GRIA3: variants seen among roughly 807,000 people sequenced by gnomAD.
The protein encoded by GRIA3 is glutamate ionotropic receptor AMPA type subunit 3.
A neutral mutation model predicts 63.0 loss-of-function variants in GRIA3; 3 were observed. That is an observed-to-expected ratio of 0.05 (90% CI 0.02 to 0.12). The LOEUF (loss-of-function observed/expected upper bound fraction) is 0.12. Ranked by LOEUF, GRIA3 falls within the 10% of genes least tolerant of loss-of-function variation. The probability of loss-of-function intolerance (pLI) is 1.00; values close to 1 mark genes in which losing one functional copy is unlikely to be tolerated. For synonymous variants in GRIA3, 274 were observed against 257.9 expected, an observed-to-expected ratio of 1.06 and a Z score of -0.60; for missense variants, 347 against 700.9, an observed-to-expected ratio of 0.50 and a Z score of 5.70.
intron 3 of GRIA3, among the ~76,000 whole-genome samples, chrX:123,308,164 T>A (rs2044767079): frequency 8.9e-6 from 1 of 112,120 alleles, no homozygotes. Context: ...GCTCTTGAAT[T>A]ACCAATCTGT....
intron 10 of GRIA3, among the ~76,000 whole-genome samples, chrX:123,412,041 T>C (rs1027120462): frequency 6.3e-5 from 7 of 111,699 alleles, no homozygotes; most frequent in Non-Finnish European, 1.3e-4. Context: ...TACAGCTGGC[T>C]TTCATAAGAG....
intron 3 of GRIA3, among the ~76,000 whole-genome samples, chrX:123,262,601 A>G (rs1270339017): frequency 2.7e-5 from 3 of 112,352 alleles, no homozygotes; most frequent in African/African-American, 6.5e-5. Context: ...GCTCTGTTCA[A>G]TAAGTAGAGC....
At chrX:123,288,328 G>A (rs190881481) in intron 3 of GRIA3, among the ~76,000 whole-genome samples, 197 of 112,266 alleles carry the variant, frequency 1.8e-3, no homozygotes, top group African/African-American at 5.8e-3. Flanking sequence ...AGAAAACCTA[G>A]GCAATACCAT....
At chrX:123,353,341 C>G (rs2045110985) in intron 4 of GRIA3, among the ~76,000 whole-genome samples, 1 of 111,903 alleles carries the variant, frequency 8.9e-6, no homozygotes, top group African/African-American at 3.2e-5. Flanking sequence ...GATTCCAATC[C>G]CAGCTTTACC....
chrX:123,478,235 C>G (rs990940930), intron 13 of GRIA3, among the ~76,000 whole-genome samples: 4 of 111,723 alleles, frequency 3.6e-5, no homozygotes, highest in Non-Finnish European at 7.5e-5. Flanking sequence ...CCATCGATGG[C>G]CTGTCTGTCA....
intron 2 of GRIA3, among the ~76,000 whole-genome samples, chrX:123,246,456 G>T (rs1352494171): frequency 1.8e-5 from 2 of 111,142 alleles, no homozygotes; most frequent in East Asian, 5.7e-4. Context: ...TTGGCTTGTG[G>T]CCTCTTTCCA....
chrX:123,352,846 G>T (rs1471006399), intron 4 of GRIA3, among the ~76,000 whole-genome samples: 1 of 111,276 alleles, frequency 9.0e-6, no homozygotes, highest in Non-Finnish European at 1.9e-5. Flanking sequence ...GGACACTGAA[G>T]AATACATCCC....
At position 123,204,340 on chromosome X, in the gene GRIA3, C is replaced by A. The variant is rs777611449; in HGVS notation, c.268+18350C>A. 257 of 969,471 alleles carry A rather than the reference C, an allele frequency of 2.7e-4. 1 individual carries two copies. In the South Asian group the frequency reaches 5.1e-3, roughly 19 times the overall value. The allele number at this position is 969,471 out of a possible 1,213,427, so 79.9% of individuals were successfully genotyped here. ...CAGAAAGGGAAGTTCCAAAAGGTGA[C>A]CCCATGATGTGGCTCATCCATTCAT... On this transcript the variant is annotated intron_variant, in intron 2 of 15. Transcript: ENST00000620443.
intron 2 of GRIA3, among the ~76,000 whole-genome samples, chrX:123,243,315 C>A: frequency 8.9e-6 from 1 of 112,217 alleles, no homozygotes; most frequent in Middle Eastern, 4.6e-3. Flanking sequence ...CTCCCATAGT[C>A]CTTGGCATAA....
chrX:123,479,898 T>C (rs780206894), intron 13 of GRIA3, among the ~76,000 whole-genome samples, 165 bp from the exon 14 acceptor site: 3 of 112,452 alleles, frequency 2.7e-5, no homozygotes, highest in Non-Finnish European at 3.8e-5. Context: ...GTTGCTGTAG[T>C]GTTAACTTTT....
chrX:123,301,154 G>A (rs2044720447), intron 3 of GRIA3, among the ~76,000 whole-genome samples: 1 of 110,900 alleles, frequency 9.0e-6, no homozygotes, highest in Admixed American at 9.6e-5. Flanking sequence ...GTTGTTTTTG[G>A]GTAGAGAGTT....
chrX:123,380,742 T>C (rs903914207), intron 5 of GRIA3, among the ~76,000 whole-genome samples: 2 of 111,976 alleles, frequency 1.8e-5, no homozygotes, highest in African/African-American at 6.5e-5. Context: ...CTGAATTGTA[T>C]TGCCTAGGTT....
intron 3 of GRIA3, among the ~76,000 whole-genome samples, chrX:123,304,188 G>T (rs938204856): frequency 5.4e-5 from 6 of 110,999 alleles, no homozygotes; most frequent in African/African-American, 1.6e-4. Context: ...ATATTTTATA[G>T]AAACTTTCAA....
Position 123,395,804 on chromosome X carries a change from T to C in GRIA3, c.912+675T>C, listed in dbSNP as rs6649005. 5.3e-3 allele frequency among the ~76,000 whole-genome samples: 586 copies of C among 111,546 alleles called. 2 individuals carry two copies. The highest frequency in any genetic ancestry group is 0.018 in the African/African-American group (551 of 30,676). ...AGATAAATTAGGGGAAAGTTATTCATGCTACACAAAGGACCCTTCAAATAT... is the reference window on the plus strand; with the variant it reads ...AGATAAATTAGGGGAAAGTTATTCACGCTACACAAAGGACCCTTCAAATAT... On this transcript the variant is annotated intron_variant, in intron 6 of 15. Coordinates refer to ENST00000620443, the MANE Select transcript of GRIA3 (RefSeq NM_007325.5).
intron 5 of GRIA3, among the ~76,000 whole-genome samples, chrX:123,378,537 A>G (rs1047359834): frequency 1.9e-4 from 21 of 109,234 alleles, no homozygotes; most frequent in African/African-American, 7.0e-4. Flanking sequence ...CAGCCTCTCA[A>G]GTAGCTGGGA....
intron 5 of GRIA3, among the ~76,000 whole-genome samples, chrX:123,378,941 G>A (rs992710582): frequency 5.4e-5 from 6 of 110,378 alleles, no homozygotes; most frequent in South Asian, 3.9e-4. Context: ...ATAAATGTAT[G>A]GGGTATAAGT....
At chrX:123,390,670 C>G (rs971124747) in intron 5 of GRIA3, among the ~76,000 whole-genome samples, 4 of 112,029 alleles carry the variant, frequency 3.6e-5, no homozygotes, top group South Asian at 7.4e-4. Flanking sequence ...ATTTGTATGT[C>G]TAAATCTTTT....
chrX:123,434,767 C>T (rs2045635999), intron 12 of GRIA3, among the ~76,000 whole-genome samples: 1 of 111,457 alleles, frequency 9.0e-6, no homozygotes, highest in Non-Finnish European at 1.9e-5. Context: ...TCTGTGGCTC[C>T]ATAGCTCTTC....
At chrX:123,461,391 C>T (rs1215769007) in intron 12 of GRIA3, among the ~76,000 whole-genome samples, 1 of 111,551 alleles carries the variant, frequency 9.0e-6, no homozygotes, top group Non-Finnish European at 1.9e-5. Flanking sequence ...AGAAGCACTT[C>T]GTGGGGGCAG....
Sources: gnomAD v4.1 joint callset for allele counts (sites outside exome capture counted in the v4.1 genomes callset) on GRCh38, gnomAD v4.1.1 for gene constraint, MANE v1.5 for transcripts, NCBI Gene and HGNC (gene_info 2026-07-23, HGNC 2026-07-21) for gene names.